Variants in GAP43 observed in about 807,000 individuals in gnomAD.
The protein encoded by GAP43 is neuromodulin.
Under a neutral mutation model 18.6 loss-of-function variants are expected in GAP43, and 6 were observed. The observed-to-expected ratio is 0.32, with a 90% CI of 0.18 to 0.64. The LOEUF is 0.64. Among genes scored for constraint, GAP43 ranks in the 30% least tolerant of loss-of-function variants. The pLI is 0.78. For synonymous variants in GAP43, 115 were observed against 111.4 expected, an observed-to-expected ratio of 1.03 and a Z score of -0.20; for missense variants, 292 against 295.5, an observed-to-expected ratio of 0.99 and a Z score of 0.09.
intron 2 of GAP43, among the ~76,000 whole-genome samples, chr3:115,708,718 T>C (rs1186575894): frequency 1.3e-5 from 2 of 152,144 alleles, no homozygotes; most frequent in Non-Finnish European, 2.9e-5. Context: ...AGGTGGCTCC[T>C]ATTTTCTATA....
At chr3:115,665,365 T>G (rs962570587) in intron 1 of GAP43, among the ~76,000 whole-genome samples, 1 of 152,194 alleles carries the variant, frequency 6.6e-6, no homozygotes, top group African/African-American at 2.4e-5. Flanking sequence ...CGAGTGTTCA[T>G]TGTTGAATTC....
At chr3:115,693,434 T>A (rs1709140308) in intron 2 of GAP43, among the ~76,000 whole-genome samples, 2 of 152,046 alleles carry the variant, frequency 1.3e-5, no homozygotes, top group Admixed American at 1.3e-4. Flanking sequence ...TAGAGAACAA[T>A]ACATATTAAG....
chr3:115,669,353 G>A (rs546509761), intron 1 of GAP43, among the ~76,000 whole-genome samples: 2 of 152,064 alleles, frequency 1.3e-5, no homozygotes, highest in South Asian at 2.1e-4. Context: ...TGACAAAATC[G>A]AATCCAGATT....
intron 1 of GAP43, among the ~76,000 whole-genome samples, chr3:115,647,687 A>C (rs1576981294): frequency 6.6e-6 from 1 of 150,466 alleles, no homozygotes; most frequent in East Asian, 2.0e-4. Flanking sequence ...ATTAGGGGGG[A>C]GGGAAAATGA....
intron 1 of GAP43, among the ~76,000 whole-genome samples, chr3:115,640,751 G>A (rs1258860138): frequency 1.3e-5 from 2 of 152,068 alleles, no homozygotes; most frequent in East Asian, 3.9e-4. Context: ...GAAGGGTCAA[G>A]AGGTCAGGTC....
chr3:115,671,695 C>G (rs563992111), intron 1 of GAP43, among the ~76,000 whole-genome samples: 1 of 152,180 alleles, frequency 6.6e-6, no homozygotes, highest in Non-Finnish European at 1.5e-5. Context: ...GAAATTCCCT[C>G]AGAAACATTA....
intron 1 of GAP43, among the ~76,000 whole-genome samples, chr3:115,665,820 T>A (rs1249673972): frequency 1.3e-5 from 2 of 152,200 alleles, no homozygotes; most frequent in Admixed American, 1.3e-4. Flanking sequence ...GCTAGTCCCC[T>A]ACAAATGTCT....
At chr3:115,714,536 G>A (rs2107378167) in intron 2 of GAP43, among the ~76,000 whole-genome samples, 1 of 152,126 alleles carries the variant, frequency 6.6e-6, no homozygotes, top group East Asian at 1.9e-4. Context: ...AAGTTTTTGA[G>A]CCTCTAGCTT....
intron 2 of GAP43, among the ~76,000 whole-genome samples, chr3:115,684,678 C>T (rs1576993636): frequency 6.6e-6 from 1 of 152,132 alleles, no homozygotes; most frequent in Admixed American, 6.5e-5. Flanking sequence ...TTCTCGGCTG[C>T]TCATGTAATC....
chr3:115,698,331 A>AAATATATATAATATATATATATATT, intron 2 of GAP43, among the ~76,000 whole-genome samples: 1 of 35,922 alleles, frequency 2.8e-5, no homozygotes, highest in Non-Finnish European at 8.0e-5. Context: ...ATATATATAA[A>AAATATATATAATATATATATATATT]ACCAGTTCTG....
chr3:115,655,724 C>T (rs1280510180), intron 1 of GAP43, among the ~76,000 whole-genome samples: 1 of 152,136 alleles, frequency 6.6e-6, no homozygotes. Context: ...AGTTAATTTG[C>T]ATTTTCATTG....
At chr3:115,640,233 T>A (rs1708378563) in intron 1 of GAP43, among the ~76,000 whole-genome samples, 1 of 152,064 alleles carries the variant, frequency 6.6e-6, no homozygotes, top group Non-Finnish European at 1.5e-5. Flanking sequence ...TGAAAAAATA[T>A]GTCACTTTTT....
intron 1 of GAP43, among the ~76,000 whole-genome samples, chr3:115,633,515 A>G (rs1459191107): frequency 3.3e-5 from 5 of 152,156 alleles, no homozygotes; most frequent in Non-Finnish European, 7.4e-5. Flanking sequence ...GTGGTGGACT[A>G]TTCATTTTTC....
intron 2 of GAP43, among the ~76,000 whole-genome samples, chr3:115,711,038 T>C (rs1709430207): frequency 6.6e-6 from 1 of 152,004 alleles, no homozygotes; most frequent in Admixed American, 6.6e-5. Context: ...GAGTCAGGAG[T>C]CCTGGATTTC....
intron 2 of GAP43, among the ~76,000 whole-genome samples, chr3:115,718,587 A>T (rs1709539498): frequency 6.6e-6 from 1 of 152,196 alleles, no homozygotes; most frequent in East Asian, 1.9e-4. Flanking sequence ...GCCTTAAAAA[A>T]ATCTTATAAG....
chr3:115,631,914 G>A (rs1034533112), intron 1 of GAP43, among the ~76,000 whole-genome samples: 17 of 152,146 alleles, frequency 1.1e-4, no homozygotes, highest in African/African-American at 3.6e-4. Flanking sequence ...AGCCGGGCAC[G>A]GCTCAGAGTA....
intron 2 of GAP43, among the ~76,000 whole-genome samples, chr3:115,690,715 G>T (rs1334315976): frequency 6.7e-6 from 1 of 148,886 alleles, no homozygotes; most frequent in Non-Finnish European, 1.5e-5. Flanking sequence ...CTCCCCATAT[G>T]AAGATCCTCT....
At chr3:115,640,454 ATCTGGTCATACAT>A (rs1708381598) in intron 1 of GAP43, among the ~76,000 whole-genome samples, 2 of 152,042 alleles carry the variant, frequency 1.3e-5, no homozygotes, top group Non-Finnish European at 2.9e-5. Flanking sequence ...TATTCCACTT[ATCTGGTCATACAT>A]TCCTTTGCTT....
chr3:115,685,217 G>A (rs1313909837), intron 2 of GAP43, among the ~76,000 whole-genome samples: 2 of 152,132 alleles, frequency 1.3e-5, no homozygotes, highest in Non-Finnish European at 2.9e-5. Context: ...TGAGCATTTT[G>A]CATTATATTC....
Sources: gnomAD v4.1 joint callset for allele counts (sites outside exome capture counted in the v4.1 genomes callset) on GRCh38, gnomAD v4.1.1 for gene constraint, MANE v1.5 for transcripts, NCBI Gene and HGNC (gene_info 2026-07-23, HGNC 2026-07-21) for gene names.